Variants in NETO2 observed in about 807,000 individuals in gnomAD.
NETO2 encodes the protein neuropilin and tolloid-like protein 2.
NETO2 carries 28 observed loss-of-function variants against 62.5 expected under a neutral mutation model. That is an observed-to-expected ratio of 0.45 (90% CI 0.33 to 0.61). The LOEUF (loss-of-function observed/expected upper bound fraction) is 0.61, where lower values mean the gene tolerates loss of function less well. Ranked by LOEUF, NETO2 falls within the 20% of genes least tolerant of loss-of-function variation. The probability of loss-of-function intolerance (pLI) is 0.02; values close to 1 mark genes in which losing one functional copy is unlikely to be tolerated. For synonymous variants in NETO2, 214 were observed against 219.1 expected (o/e 0.98, Z 0.21); for missense variants, 548 against 643.2 (o/e 0.85, Z 1.60).
At chr16:47,119,998 C>A (rs1158128120) in intron 6 of NETO2, among the ~76,000 whole-genome samples, 2 of 152,154 alleles carry the variant, frequency 1.3e-5, no homozygotes, top group Non-Finnish European at 2.9e-5. Context: ...TAAGCACATA[C>A]TGTGTAATTT....
chr16:47,114,555 A>G (rs1286919692), intron 6 of NETO2, among the ~76,000 whole-genome samples: 1 of 137,666 alleles, frequency 7.3e-6, no homozygotes, highest in Non-Finnish European at 1.5e-5. Context: ...GGTTCATGCC[A>G]GTCTCCTGCC....
chr16:47,116,819 C>G (rs1336683111), intron 6 of NETO2, among the ~76,000 whole-genome samples: 1 of 152,178 alleles, frequency 6.6e-6, no homozygotes, highest in African/African-American at 2.4e-5. Context: ...TTGTGTATGT[C>G]TACTGGGACA....
chr16:47,131,331 T>C (rs1221993725), intron 2 of NETO2, among the ~76,000 whole-genome samples: 1 of 152,140 alleles, frequency 6.6e-6, no homozygotes, highest in Non-Finnish European at 1.5e-5. Context: ...ATACAGCATG[T>C]TATTTAGAGA....
chr16:47,105,600 A>G (rs1963657444), intron 7 of NETO2, among the ~76,000 whole-genome samples: 1 of 152,228 alleles, frequency 6.6e-6, no homozygotes, highest in Non-Finnish European at 1.5e-5. Context: ...ATACACAATA[A>G]GGGATTAATA....
chr16:47,118,522 G>C (rs1483963531), intron 6 of NETO2, among the ~76,000 whole-genome samples: 2 of 152,162 alleles, frequency 1.3e-5, no homozygotes, highest in African/African-American at 4.8e-5. Flanking sequence ...TTCTGATTAA[G>C]AGAGAAAAAA....
chr16:47,090,037 G>A (rs1963279933), intron 7 of NETO2, among the ~76,000 whole-genome samples: 2 of 151,960 alleles, frequency 1.3e-5, no homozygotes, highest in Non-Finnish European at 1.5e-5. Context: ...ACAGCACTGT[G>A]GGTCCTTGAC....
intron 6 of NETO2, among the ~76,000 whole-genome samples, chr16:47,117,414 T>C (rs1445042237): frequency 6.6e-6 from 1 of 152,232 alleles, no homozygotes; most frequent in African/African-American, 2.4e-5. Context: ...GTCCTTCAAG[T>C]TTGGGACTTT....
rs9925168 is a variant in NETO2, at chr16:47,123,024, T to C, written c.482-112A>G. On this transcript the variant is annotated intron_variant, in intron 4 of 8. Coordinates refer to ENST00000562435, the MANE Select transcript of NETO2 (RefSeq NM_018092.5). ...CATAGCAAGGTAAGAGAAGCTTTCA[T>C]TGGTGAAAACTACATATCATTGGTC... 1.0e-3 allele frequency: 1,037 copies of C among 1,014,088 alleles called. 8 individuals carry two copies. The African/African-American group carries it at 0.015, about 14-fold the overall frequency. The allele number at this position is 1,014,088 out of a possible 1,614,324, so 62.8% of individuals were successfully genotyped here.
chr16:47,132,110 A>C (rs1271568814), intron 1 of NETO2, 85 bp from the exon 2 acceptor site: 11 of 1,028,142 alleles, frequency 1.1e-5, no homozygotes, highest in Admixed American at 2.0e-5. Flanking sequence ...GGATGACAAA[A>C]AAAGATTAAC....
intron 1 of NETO2, among the ~76,000 whole-genome samples, chr16:47,143,049 G>A (rs1964495608): frequency 6.6e-6 from 1 of 151,882 alleles, no homozygotes; most frequent in Admixed American, 6.6e-5. Flanking sequence ...GGCCGCAGCA[G>A]GTGGGACCCG....
At chr16:47,123,752 C>A (rs550780531) in intron 4 of NETO2, among the ~76,000 whole-genome samples, 1 of 152,186 alleles carries the variant, frequency 6.6e-6, no homozygotes, top group African/African-American at 2.4e-5. Context: ...GGCAGGAGTA[C>A]AGTGGCACAA....
chr16:47,115,091 T>C (rs941550050), intron 6 of NETO2, among the ~76,000 whole-genome samples: 4 of 152,236 alleles, frequency 2.6e-5, no homozygotes, highest in African/African-American at 7.2e-5. Context: ...TCTTGTTCCA[T>C]TGATCTGTGT....
chr16:47,101,254 T>G (rs1351087881), intron 7 of NETO2, among the ~76,000 whole-genome samples: 1 of 152,122 alleles, frequency 6.6e-6, no homozygotes, highest in Non-Finnish European at 1.5e-5. Flanking sequence ...CTAAAAACTC[T>G]CAATAAACCA....
In NETO2 at chr16:47,083,139, G is replaced by T; in HGVS notation, c.*82C>A. 1 of 1,235,190 alleles carries T rather than the reference G, an allele frequency of 8.1e-7. No individual in the cohort carries two copies. Among genetic ancestry groups the T allele is most frequent in the Non-Finnish European group, 1.1e-6 (1 of 876,676 alleles). 76.5% of individuals were successfully genotyped at this position (1,235,190 alleles called of 1,614,324 possible). Reference sequence around the variant, plus strand: ...CTTCGTAGTTGTGATGGGAGAAAAGGGTTGGCTGCTGGAAACAGTATGGTG... The same window carrying T: ...CTTCGTAGTTGTGATGGGAGAAAAGTGTTGGCTGCTGGAAACAGTATGGTG... On this transcript the variant is annotated 3_prime_UTR_variant, in exon 9 of 9. Coordinates refer to ENST00000562435, the MANE Select transcript of NETO2 (RefSeq NM_018092.5).
At chr16:47,136,349 G>A (rs1461983841) in intron 1 of NETO2, among the ~76,000 whole-genome samples, 1 of 152,076 alleles carries the variant, frequency 6.6e-6, no homozygotes, top group East Asian at 1.9e-4. Context: ...GCACCTTACA[G>A]ATAACAAAAT....
chr16:47,111,213 A>G (rs1963793866), intron 6 of NETO2, among the ~76,000 whole-genome samples: 1 of 152,230 alleles, frequency 6.6e-6, no homozygotes, highest in African/African-American at 2.4e-5. Flanking sequence ...ATGGCAGACA[A>G]TGAGAAAGTG....
At chr16:47,094,400 T>C (rs903981332) in intron 7 of NETO2, among the ~76,000 whole-genome samples, 8 of 150,718 alleles carry the variant, frequency 5.3e-5, no homozygotes, top group Non-Finnish European at 1.0e-4. Context: ...AAAGGAAGGT[T>C]TGTTTTATTT....
chr16:47,122,742 G>C lies in NETO2; in HGVS notation c.569C>G (p.Ser190Cys). ...TTTCTCCTCTTGTTCTACCTGACTA[G>C]AGCGCACTATTCCATCAGCTCCCGA... Reference protein sequence around the residue: ...ELSGADGIVRSSQVEQEEKTK... With the variant: ...ELSGADGIVRCSQVEQEEKTK... The change falls in exon 6 of 9, where the codon TCT (serine) becomes TGT (cysteine). Residue 190 changes from serine (S) to cysteine (C), a missense_variant. Coordinates refer to ENST00000562435, the MANE Select transcript of NETO2 (RefSeq NM_018092.5). 2 of 1,614,090 alleles carry C rather than the reference G, an allele frequency of 1.2e-6. No homozygotes were observed. Among genetic ancestry groups the C allele is most frequent in the African/African-American group, 1.3e-5 (1 of 75,022 alleles).
chr16:47,115,579 G>T (rs1269110502), intron 6 of NETO2, among the ~76,000 whole-genome samples: 2 of 150,000 alleles, frequency 1.3e-5, no homozygotes, highest in South Asian at 4.2e-4. Flanking sequence ...CCAGGCTGGA[G>T]TGCAGTGGTG....
Sources: allele counts gnomAD v4.1 joint callset (sites outside exome capture counted in the v4.1 genomes callset), GRCh38; gene constraint gnomAD v4.1.1; transcripts MANE v1.5; gene names NCBI Gene and HGNC (gene_info 2026-07-23, HGNC 2026-07-21).